BST2: variants seen among roughly 807,000 people sequenced by gnomAD.
BST2 encodes the protein bone marrow stromal antigen 2.
A neutral mutation model predicts 18.6 loss-of-function variants in BST2; 10 were observed. The observed-to-expected ratio is 0.54, with a 90% CI of 0.33 to 0.91. The LOEUF (loss-of-function observed/expected upper bound fraction) is 0.91, where lower values mean the gene tolerates loss of function less well. BST2 is among the 40% of genes least tolerant of loss of function. BST2 has a pLI of 0.02. For missense variants in BST2, 183 were observed against 228.4 expected (o/e 0.80, Z 1.28); for synonymous variants, 75 against 96.8 (o/e 0.77, Z 1.32).
rs764053823 is a variant in BST2 at position 17,405,473 on chromosome 19, C to T, written c.103G>A (p.Val35Met). ...ATAATCAAGGGCACCCCCAGAATCA[C>T]GATGATCAGGAGCACCAGAATTCCT... ...GIGILVLLII[V>M]ILGVPLIIFT... is the part of the protein sequence containing the mutation. Residue 35 changes from valine to methionine, a missense_variant, in exon 1 of 5, where the codon GTG (valine) becomes ATG (methionine). Val to Met is a conservative substitution (Grantham distance 21). Coordinates refer to ENST00000252593, the MANE Select transcript of BST2 (RefSeq NM_004335.4). 9.3e-6 allele frequency: 15 copies of T among 1,614,256 alleles called. No homozygotes were observed. Among genetic ancestry groups the T allele is most frequent in the Admixed American group, 8.3e-5 (5 of 60,028 alleles).
At position 17,403,201 on chromosome 19, in the gene BST2, A is replaced by G; in HGVS notation, c.*141T>C. 1.0e-6 allele frequency: 1 copy of G among 993,750 alleles called. No homozygotes were observed. Among genetic ancestry groups the G allele is most frequent in the Non-Finnish European group, 1.2e-6 (1 of 834,838 alleles). 61.6% of individuals were successfully genotyped at this position (993,750 alleles called of 1,614,324 possible). A position where few individuals can be genotyped will look rare whatever the true frequency, so the allele number is the denominator to read the frequency against. ...CATGGCCCCTCCAGACCTGCTCCAGAGGCCCTTCTCCGGCTACCCCGTGCT... is the reference window on the plus strand; with the variant it reads ...CATGGCCCCTCCAGACCTGCTCCAGGGGCCCTTCTCCGGCTACCCCGTGCT... On this transcript the variant is annotated 3_prime_UTR_variant, in exon 5 of 5. Coordinates refer to ENST00000252593, the MANE Select transcript of BST2 (RefSeq NM_004335.4).
At chr19:17,404,547 C>T in intron 1 of BST2, 110 bp from the exon 2 acceptor site, 1 of 1,522,362 alleles carries the variant, frequency 6.6e-7, no homozygotes, top group Non-Finnish European at 8.9e-7. Context: ...ATGCAAACCC[C>T]TTTCAGGTTT....
At position 17,404,135 on chromosome 19, in the gene BST2, C is replaced by T. The variant is rs1165738205; in HGVS notation, c.407G>A (p.Arg136Gln). 6.3e-7 allele frequency: 1 copy of T among 1,588,812 alleles called. No homozygotes were observed. Among genetic ancestry groups the T allele is most frequent in the East Asian group, 2.3e-5 (1 of 43,480 alleles). The part of the protein sequence containing the change: ...KLQDASAEVE[R>Q]LRRENQVLSV... ...GGGGAAGGCTATCTCTGACCTCAGT[C>T]GCTCCACCTCTGCAGACGCGTCCTG... The change falls in exon 3 of 5, where the codon CGA (arginine) becomes CAA (glutamine). Residue 136 changes from arginine to glutamine, a missense_variant. By Grantham distance (43) the Arg-to-Gln change is conservative. Coordinates refer to ENST00000252593, the MANE Select transcript of BST2 (RefSeq NM_004335.4).
Position 17,403,220 on chromosome 19 carries a change from C to T in BST2, c.*122G>A. 1 of 997,518 alleles carries T rather than the reference C, an allele frequency of 1.0e-6. No individual in the cohort carries two copies. The highest frequency in any genetic ancestry group is 1.2e-6 in the Non-Finnish European group (1 of 837,098). The allele number at this position is 997,518 out of a possible 1,614,324, so 61.8% of individuals were successfully genotyped here. ...CTCCAGAGGCCCTTCTCCGGCTACC[C>T]CGTGCTCTCCCCGCTAACCGTGTTG... On this transcript the variant is annotated 3_prime_UTR_variant, in exon 5 of 5. Transcript: ENST00000252593.
chr19:17,403,850 A>G, intron 3 of BST2, 26 bp from the exon 4 acceptor site: 2 of 1,604,950 alleles, frequency 1.2e-6, no homozygotes, highest in Non-Finnish European at 1.7e-6. Flanking sequence ...CAAATCAGGC[A>G]TCTGCTCGTC....
At chr19:17,403,414 C>A in intron 4 of BST2, 88 bp from the exon 5 acceptor site, 2 of 899,850 alleles carry the variant, frequency 2.2e-6, no homozygotes, top group Non-Finnish European at 2.6e-6. Context: ...CCGCCCCCAT[C>A]GCTAGACCCG....
intron 2 of BST2, 64 bp downstream of exon 2, chr19:17,404,307 C>T: frequency 7.3e-7 from 1 of 1,378,240 alleles, no homozygotes; most frequent in Non-Finnish European, 1.0e-6. Flanking sequence ...GGTCTCCCTG[C>T]CCCCACCCCC....
rs113321277 is a variant in BST2 at position 17,403,837 on chromosome 19, T to TGGA, written c.414-14_414-13insTCC. The TGGA allele has an allele frequency of 8.1e-6, 13 of 1,610,976 alleles. No individual in the cohort carries two copies. The highest frequency in any genetic ancestry group is 5.0e-5 in the Admixed American group (3 of 59,574). ...CTGGTTTTCTCTTCTGCGGTACAGATGGCAAATCAGGCATCTGCTCGTCCT... is the reference window on the plus strand; with the variant it reads ...CTGGTTTTCTCTTCTGCGGTACAGATGGAGGCAAATCAGGCATCTGCTCGTCCT... On this transcript the variant is annotated splice_polypyrimidine_tract_variant and intron_variant, in intron 3 of 4. Transcript: ENST00000252593.
intron 4 of BST2, among the ~76,000 whole-genome samples, 163 bp downstream of exon 4, chr19:17,403,517 G>T (rs541216867): frequency 7.6e-6 from 1 of 130,836 alleles, no homozygotes; most frequent in East Asian, 2.3e-4. Flanking sequence ...CCCCGATCCA[G>T]GGCATCCTTC....
intron 1 of BST2, 169 bp from the exon 2 acceptor site, chr19:17,404,606 C>G: frequency 1.0e-6 from 1 of 964,962 alleles, no homozygotes; most frequent in Non-Finnish European, 1.5e-6. Context: ...AGAACAGCCA[C>G]AACCACACAC....
intron 1 of BST2, 149 bp from the exon 2 acceptor site, chr19:17,404,586 C>G: frequency 8.2e-7 from 1 of 1,214,994 alleles, no homozygotes; most frequent in Admixed American, 2.3e-5. Flanking sequence ...ACCATGGTCT[C>G]CAACCTTAAA....
rs373734597 is a variant in BST2 at position 17,404,644 on chromosome 19, G to A, written c.286-207C>T. On this transcript the variant is annotated intron_variant, in intron 1 of 4. Coordinates refer to ENST00000252593, the MANE Select transcript of BST2 (RefSeq NM_004335.4). ...TCCCAGGGCCACCCATAAGCATGTG[G>A]GTCCTCAAAATGGGAGTTTTGAGGC... 28 of 665,482 alleles carry A rather than the reference G, an allele frequency of 4.2e-5. No homozygotes were observed. The East Asian group carries it at 7.8e-4, about 18-fold the overall frequency. 41.2% of individuals were successfully genotyped at this position (665,482 alleles called of 1,614,324 possible).
chr19:17,404,136 G>T lies in BST2; in HGVS notation c.406C>A (p.Arg136=), dbSNP rs201516178. 226 of 1,589,806 alleles carry T rather than the reference G, an allele frequency of 1.4e-4. 4 individuals carry two copies. The Middle Eastern group carries it at 1.5e-3, about 10-fold the overall frequency. ...KLQDASAEVE[R]LRRENQVLSV... ...GGGAAGGCTATCTCTGACCTCAGTC[G>T]CTCCACCTCTGCAGACGCGTCCTGA... Residue 136 remains arginine, a synonymous_variant, in exon 3 of 5, where the codon CGA becomes AGA. Coordinates refer to ENST00000252593, the MANE Select transcript of BST2 (RefSeq NM_004335.4).
At chr19:17,403,602 A>C in intron 4 of BST2, 78 bp downstream of exon 4, 1 of 1,528,270 alleles carries the variant, frequency 6.5e-7, no homozygotes, top group South Asian at 1.2e-5. Context: ...CTCTCTCTCT[A>C]GACTTCGGAG....
chr19:17,405,474 G>A lies in BST2; in HGVS notation c.102C>T (p.Ile34=), dbSNP rs1408717756. 6.2e-6 allele frequency: 10 copies of A among 1,614,238 alleles called. No individual in the cohort carries two copies. Among genetic ancestry groups the A allele is most frequent in the Middle Eastern group, 1.6e-4 (1 of 6,062 alleles). Residue 34 remains isoleucine, a synonymous_variant, in exon 1 of 5, where the codon ATC becomes ATT. Coordinates refer to ENST00000252593, the MANE Select transcript of BST2 (RefSeq NM_004335.4). The part of the protein sequence containing the change: ...LGIGILVLLI[I]VILGVPLIIF... Reference sequence around the variant, plus strand: ...TAATCAAGGGCACCCCCAGAATCACGATGATCAGGAGCACCAGAATTCCTA... The same window carrying A: ...TAATCAAGGGCACCCCCAGAATCACAATGATCAGGAGCACCAGAATTCCTA...
In BST2 at chr19:17,403,751, C is replaced by T. The variant is rs764134970; in HGVS notation, c.487G>A (p.Ala163Thr). ...ACAATCAGCAGCTGGGGCGCCGCAG[C>T]GGAGCTGGAGTCCTGGGAGCTGGGG... ...YYPSSQDSSS[A>T]AAPQLLIVLL... Residue 163 changes from alanine (A) to threonine (T), a missense_variant, in exon 4 of 5, where the codon GCT becomes ACT. Transcript: ENST00000252593. 1 of 1,613,968 alleles carries T rather than the reference C, an allele frequency of 6.2e-7. No homozygotes were observed. The highest frequency in any genetic ancestry group is 8.5e-7 in the Non-Finnish European group (1 of 1,179,996).
intron 3 of BST2, 50 bp downstream of exon 3, chr19:17,404,079 G>T (rs1390369883): frequency 1.3e-6 from 2 of 1,528,696 alleles, no homozygotes; most frequent in Non-Finnish European, 1.8e-6. Flanking sequence ...GGATGTGGGG[G>T]TGAGAGGAAT....
chr19:17,403,963 G>T, intron 3 of BST2, 139 bp from the exon 4 acceptor site: 1 of 1,349,140 alleles, frequency 7.4e-7, no homozygotes, highest in Non-Finnish European at 1.0e-6. Flanking sequence ...GGCCACCCAT[G>T]GCTCTGTGAC....
rs1375034023 is a variant in BST2, at chr19:17,403,681, AG to A, written c.*13del. On this transcript the variant is annotated splice_region_variant and 3_prime_UTR_variant, in exon 4 of 5. Coordinates refer to ENST00000252593, the MANE Select transcript of BST2 (RefSeq NM_004335.4). ...CGGGGCCGCCCCCTCCTCACTGACC[AG>A]CTTCCTGGGATCTCACTGCAGCAGA... 1 of 1,589,704 alleles carries A rather than the reference AG, an allele frequency of 6.3e-7. No individual in the cohort carries two copies. The highest frequency in any genetic ancestry group is 2.3e-5 in the East Asian group (1 of 44,034).
Sources: allele counts gnomAD v4.1 joint callset (sites outside exome capture counted in the v4.1 genomes callset), GRCh38; gene constraint gnomAD v4.1.1; transcripts MANE v1.5; gene names NCBI Gene and HGNC (gene_info 2026-07-23, HGNC 2026-07-21).